Variants in MACROD2 observed in about 807,000 individuals in gnomAD.
The protein encoded by MACROD2 is mono-ADP ribosylhydrolase 2, also known as ADP-ribose glycohydrolase MACROD2.
A neutral mutation model predicts 70.4 loss-of-function variants in MACROD2; 36 were observed. That is an observed-to-expected ratio of 0.51 (90% CI 0.39 to 0.68). The LOEUF (loss-of-function observed/expected upper bound fraction) is 0.68. MACROD2 is among the 30% of genes least tolerant of loss of function. The pLI is 0.00. For synonymous variants in MACROD2, 172 were observed against 178.8 expected (o/e 0.96, Z 0.30); for missense variants, 496 against 538.4 (o/e 0.92, Z 0.78).
At position 14,530,943 on chromosome 20, in the gene MACROD2, G is replaced by A. The variant is rs564667963; in HGVS notation, c.301+37435G>A. On this transcript the variant is annotated intron_variant, in intron 4 of 17. Coordinates refer to ENST00000684519, the MANE Select transcript of MACROD2 (RefSeq NM_001351661.2). ...AGCAAAAGGTGGTTGTTAATAATCT[G>A]TTAGTCACTGTGTACACTCAATTGG... Among the ~76,000 whole-genome samples, 4 of 152,284 alleles carry A rather than the reference G, an allele frequency of 2.6e-5. No homozygotes were observed. The South Asian group carries it at 6.2e-4, about 24-fold the overall frequency.
intron 3 of MACROD2, among the ~76,000 whole-genome samples, chr20:14,276,538 C>T (rs868829446): frequency 3.3e-5 from 5 of 149,530 alleles, no homozygotes; most frequent in African/African-American, 7.4e-5. Context: ...AATGACGAGT[C>T]AATGGGTGCA....
At chr20:14,266,062 C>T (rs2082142261) in intron 3 of MACROD2, among the ~76,000 whole-genome samples, 1 of 152,212 alleles carries the variant, frequency 6.6e-6, no homozygotes, top group South Asian at 2.1e-4. Flanking sequence ...AGGCGTGAGC[C>T]ATCACTCCTG....
intron 3 of MACROD2, among the ~76,000 whole-genome samples, chr20:14,458,434 A>G (rs1452377035): frequency 6.6e-6 from 1 of 152,152 alleles, no homozygotes; most frequent in Non-Finnish European, 1.5e-5. Context: ...TTTTCTGGTG[A>G]CAAAGTTCTT....
At chr20:15,046,527 G>T (rs1314706136) in intron 5 of MACROD2, among the ~76,000 whole-genome samples, 1 of 152,194 alleles carries the variant, frequency 6.6e-6, no homozygotes, top group Non-Finnish European at 1.5e-5. Context: ...TTTTGCACAT[G>T]TGTACCTAGG....
chr20:15,842,902 C>A (rs1038962954), intron 8 of MACROD2, among the ~76,000 whole-genome samples: 1 of 152,104 alleles, frequency 6.6e-6, no homozygotes, highest in East Asian at 1.9e-4. Context: ...AGGTGATTAA[C>A]TTTTTATATC....
intron 5 of MACROD2, among the ~76,000 whole-genome samples, chr20:14,911,280 A>T (rs2074023969): frequency 6.6e-6 from 1 of 152,194 alleles, no homozygotes. Context: ...AGATGTTAAC[A>T]TCTTAACATT....
intron 10 of MACROD2, among the ~76,000 whole-genome samples, chr20:15,888,060 C>T (rs1293679502): frequency 2.0e-5 from 3 of 152,070 alleles, no homozygotes; most frequent in Non-Finnish European, 4.4e-5. Flanking sequence ...GGCTGCTTTC[C>T]TTTTCCTGTC....
At chr20:14,497,447 A>G (rs1214830812) in intron 4 of MACROD2, among the ~76,000 whole-genome samples, 1 of 151,852 alleles carries the variant, frequency 6.6e-6, no homozygotes, top group African/African-American at 2.4e-5. Flanking sequence ...AGAATTAGAA[A>G]GAAAAATCAG....
intron 8 of MACROD2, among the ~76,000 whole-genome samples, chr20:15,604,758 A>C (rs1396573098): frequency 1.3e-5 from 2 of 152,352 alleles, no homozygotes; most frequent in East Asian, 3.9e-4. Context: ...TCTTTATGAC[A>C]CAGCAAAGTC....
chr20:14,695,046 C>G (rs926356725), intron 5 of MACROD2, among the ~76,000 whole-genome samples: 5 of 152,226 alleles, frequency 3.3e-5, no homozygotes, highest in Middle Eastern at 3.4e-3. Context: ...TTCCCTCTCT[C>G]TCTCTCTCTC....
At chr20:15,943,256 T>C (rs549633791) in intron 12 of MACROD2, among the ~76,000 whole-genome samples, 6 of 152,256 alleles carry the variant, frequency 3.9e-5, no homozygotes, top group African/African-American at 1.2e-4. Context: ...GACTCAAAAT[T>C]GCTCTGGAAA....
At chr20:14,801,249 C>G (rs1172124218) in intron 5 of MACROD2, among the ~76,000 whole-genome samples, 1 of 152,124 alleles carries the variant, frequency 6.6e-6, no homozygotes, top group East Asian at 1.9e-4. Context: ...TCCCCTGCGC[C>G]CCTCAGCAGT....
At chr20:14,735,947 A>G (rs952019400) in intron 5 of MACROD2, among the ~76,000 whole-genome samples, 2 of 152,228 alleles carry the variant, frequency 1.3e-5, no homozygotes, top group South Asian at 2.1e-4. Flanking sequence ...TAGAATTACC[A>G]TATGATCCAG....
rs143774238 is a variant in MACROD2, at chr20:15,144,887, C to T, written c.419-85053C>T. 3.4e-4 allele frequency among the ~76,000 whole-genome samples: 51 copies of T among 152,220 alleles called. No homozygotes were observed. The East Asian group carries it at 9.5e-3, about 28-fold the overall frequency. Reference sequence around the variant, plus strand: ...GCTTACTATAGTACTATATACTATACTTACTATATACTATATACCATACTT... The same window carrying T: ...GCTTACTATAGTACTATATACTATATTTACTATATACTATATACCATACTT... On this transcript the variant is annotated intron_variant, in intron 5 of 17. Transcript: ENST00000684519.
At chr20:15,771,035 A>G (rs2051615782) in intron 8 of MACROD2, among the ~76,000 whole-genome samples, 1 of 152,158 alleles carries the variant, frequency 6.6e-6, no homozygotes, top group South Asian at 2.1e-4. Flanking sequence ...CAATAATCCA[A>G]TTTTCCACAT....
chr20:14,573,301 A>G (rs147568124), intron 4 of MACROD2, among the ~76,000 whole-genome samples: 2,261 of 152,250 alleles, frequency 0.015, 60 homozygotes, highest in African/African-American at 0.052. Flanking sequence ...CTAGAATGCA[A>G]ATCTCATGGG....
chr20:14,063,227 A>G lies in MACROD2; in HGVS notation c.164-22394A>G, dbSNP rs150471377. On this transcript the variant is annotated intron_variant, in intron 2 of 17. Transcript: ENST00000684519. ...GGGTAAGTTAGGGAAAGGCTGGGCTATTGTAACAAAGAGATTTACTAATGA... is the reference window on the plus strand; with the variant it reads ...GGGTAAGTTAGGGAAAGGCTGGGCTGTTGTAACAAAGAGATTTACTAATGA... Among the ~76,000 whole-genome samples, 11 of 152,334 alleles carry G rather than the reference A, an allele frequency of 7.2e-5. No individual in the cohort carries two copies. The East Asian group carries it at 1.7e-3, about 24-fold the overall frequency.
At chr20:15,866,784 A>C (rs143577582) in intron 9 of MACROD2, among the ~76,000 whole-genome samples, 2,141 of 152,326 alleles carry the variant, frequency 0.014, 25 homozygotes, top group Middle Eastern at 0.031. Context: ...GAGTTGAATT[A>C]GTACTTTTAT....
At chr20:14,102,603 T>C (rs1453964835) in intron 3 of MACROD2, among the ~76,000 whole-genome samples, 2 of 152,150 alleles carry the variant, frequency 1.3e-5, no homozygotes, top group Non-Finnish European at 2.9e-5. Context: ...AAAAAATGAC[T>C]GCACACCATT....
Sources: allele counts gnomAD v4.1 joint callset (sites outside exome capture counted in the v4.1 genomes callset), GRCh38; gene constraint gnomAD v4.1.1; transcripts MANE v1.5; gene names NCBI Gene and HGNC (gene_info 2026-07-23, HGNC 2026-07-21).